KSR1: variants seen among roughly 807,000 people sequenced by gnomAD.
KSR1 encodes kinase suppressor of ras 1.
KSR1 carries 35 observed loss-of-function variants against 92.9 expected under a neutral mutation model. That is an observed-to-expected ratio of 0.38 (90% CI 0.29 to 0.50). The LOEUF (loss-of-function observed/expected upper bound fraction) is 0.50. Among genes scored for constraint, KSR1 ranks in the 20% least tolerant of loss-of-function variants. KSR1 has a pLI of 0.94. For synonymous variants in KSR1, 467 were observed against 472.6 expected (o/e 0.99, Z 0.15); for missense variants, 972 against 1,158.5 (o/e 0.84, Z 2.34).
chr17:27,470,507 T>C (rs1056978504), intron 1 of KSR1, among the ~76,000 whole-genome samples: 3 of 152,112 alleles, frequency 2.0e-5, no homozygotes, highest in African/African-American at 4.8e-5. Context: ...CCCAAAGTGC[T>C]GGGATTACAG....
At chr17:27,555,823 C>T (rs1181063206) in intron 2 of KSR1, among the ~76,000 whole-genome samples, 1 of 152,190 alleles carries the variant, frequency 6.6e-6, no homozygotes, top group East Asian at 1.9e-4. Flanking sequence ...TTCATCTTCT[C>T]AAATGAACCA....
intron 1 of KSR1, among the ~76,000 whole-genome samples, chr17:27,466,596 GC>G (rs1451575793): frequency 6.6e-6 from 1 of 152,238 alleles, no homozygotes; most frequent in East Asian, 1.9e-4. Context: ...CAAGAGAAAT[GC>G]AGATGGCTGT....
At chr17:27,613,847 A>G (rs1031087346) in intron 18 of KSR1, among the ~76,000 whole-genome samples, 2 of 152,360 alleles carry the variant, frequency 1.3e-5, no homozygotes, top group Non-Finnish European at 2.9e-5. Context: ...TCTGTCGCCC[A>G]GGCTGAAGTG....
At chr17:27,500,229 G>A (rs566365884) in intron 1 of KSR1, among the ~76,000 whole-genome samples, 2 of 152,264 alleles carry the variant, frequency 1.3e-5, no homozygotes, top group East Asian at 1.9e-4. Context: ...CTGGTCAGAA[G>A]CCTCCTAGAA....
At chr17:27,538,981 T>C (rs2070860658) in intron 1 of KSR1, among the ~76,000 whole-genome samples, 1 of 152,216 alleles carries the variant, frequency 6.6e-6, no homozygotes. Context: ...TTGGTGCATA[T>C]AGGTCAGAGT....
intron 6 of KSR1, among the ~76,000 whole-genome samples, chr17:27,589,598 T>C (rs1359806460): frequency 6.6e-6 from 1 of 152,184 alleles, no homozygotes; most frequent in Admixed American, 6.5e-5. Flanking sequence ...TCCTAAATAC[T>C]GTTGGCATTC....
chr17:27,622,232 C>T (rs560674814), intron 20 of KSR1: 1 of 468,644 alleles, frequency 2.1e-6, no homozygotes, highest in Non-Finnish European at 3.9e-6. Flanking sequence ...TGACTGATTG[C>T]TCCCGTGTTC....
rs751537798 is a variant in KSR1, at chr17:27,610,201, G to A, written c.2357+3G>A. ...GCTGCTGATGTCTATGCATTTGGGT[G>A]AGTAGGCCCCTGGTGCCCTGAGGCC... On this transcript the variant is annotated splice_donor_region_variant and intron_variant, in intron 17 of 20. Coordinates refer to ENST00000644974, the MANE Select transcript of KSR1 (RefSeq NM_001394583.1). The A allele has an allele frequency of 5.0e-6, 8 of 1,613,836 alleles. No individual in the cohort carries two copies. The highest frequency in any genetic ancestry group is 6.8e-6 in the Non-Finnish European group (8 of 1,179,772).
intron 1 of KSR1, among the ~76,000 whole-genome samples, chr17:27,505,411 A>G (rs1170652293): frequency 6.6e-6 from 1 of 152,206 alleles, no homozygotes; most frequent in African/African-American, 2.4e-5. Context: ...TCTTCATCCA[A>G]GAAGGTGCCT....
chr17:27,527,113 A>G (rs2070335885), intron 1 of KSR1: 3 of 365,982 alleles, frequency 8.2e-6, no homozygotes, highest in South Asian at 6.0e-5. Flanking sequence ...TTCACACATC[A>G]CTTTTCTTAC....
chr17:27,559,924 A>T lies in KSR1; in HGVS notation c.372+9216A>T, dbSNP rs894100769. Among the ~76,000 whole-genome samples, 4 of 152,196 alleles carry T rather than the reference A, an allele frequency of 2.6e-5. No homozygotes were observed. The East Asian group carries it at 5.8e-4, about 22-fold the overall frequency. On this transcript the variant is annotated intron_variant, in intron 2 of 20. Transcript: ENST00000644974. The surrounding 1 kb of genome is among the most constrained non-coding windows in gnomAD (Gnocchi z 4.2). The stretch of plus-strand genomic sequence containing the variant: ...TAGGGGTTGGGGCTCCTCTTAGGGG[A>T]TATTGGAAGTGTGTGTGAGAGAGGG...
At chr17:27,623,039 C>T (rs1438345688) in intron 20 of KSR1, 3 of 503,638 alleles carry the variant, frequency 6.0e-6, no homozygotes, top group Non-Finnish European at 1.0e-5. Flanking sequence ...AAAACAATTC[C>T]TAGGAACCCA....
At chr17:27,570,166 G>A (rs1451339478) in intron 2 of KSR1, among the ~76,000 whole-genome samples, 1 of 152,210 alleles carries the variant, frequency 6.6e-6, no homozygotes, top group Non-Finnish European at 1.5e-5. Flanking sequence ...GGGATAGAGC[G>A]GTGTGGGGTC....
In KSR1 at chr17:27,458,917, C is replaced by G. The variant is rs190740760; in HGVS notation, c.231+2043C>G. ...TGGATCTCTGAGGGCTCTGGAAGCTCGAAATTCTCTAGGTTAGAGAAGGAG... is the reference window on the plus strand; with the variant it reads ...TGGATCTCTGAGGGCTCTGGAAGCTGGAAATTCTCTAGGTTAGAGAAGGAG... On this transcript the variant is annotated intron_variant, in intron 1 of 20. Coordinates refer to ENST00000644974, the MANE Select transcript of KSR1 (RefSeq NM_001394583.1). Among the ~76,000 whole-genome samples the G allele has an allele frequency of 4.5e-3, 692 of 152,174 alleles. 5 individuals carry two copies. The highest frequency in any genetic ancestry group is 6.6e-3 in the Non-Finnish European group (452 of 68,008).
chr17:27,617,566 C>A, intron 19 of KSR1, 138 bp downstream of exon 19: 2 of 1,090,864 alleles, frequency 1.8e-6, no homozygotes, highest in South Asian at 1.7e-5. Context: ...TCGCTCTTGT[C>A]ATCAGGGCTG....
chr17:27,468,117 A>G (rs1409140486), intron 1 of KSR1, among the ~76,000 whole-genome samples: 2 of 150,238 alleles, frequency 1.3e-5, no homozygotes, highest in South Asian at 2.1e-4. Context: ...GCGCCCGGCC[A>G]TATTTTTTTT....
chr17:27,475,415 T>G (rs1348863293), intron 1 of KSR1, among the ~76,000 whole-genome samples: 1 of 152,244 alleles, frequency 6.6e-6, no homozygotes, highest in Non-Finnish European at 1.5e-5. Flanking sequence ...GCTGGCACAC[T>G]AACCTACTGA....
chr17:27,592,747 G>A (rs1233716595), intron 9 of KSR1, 121 bp downstream of exon 9: 1 of 769,110 alleles, frequency 1.3e-6, no homozygotes, highest in South Asian at 1.8e-5. Flanking sequence ...CAGATTTGTG[G>A]CCAGAGGGTG....
chr17:27,501,569 G>A (rs527620979), intron 1 of KSR1, among the ~76,000 whole-genome samples: 1 of 152,252 alleles, frequency 6.6e-6, no homozygotes, highest in South Asian at 2.1e-4. Context: ...GCTGTGTGTA[G>A]CCTCAGAGCA....
Sources: gnomAD v4.1 joint callset for allele counts (sites outside exome capture counted in the v4.1 genomes callset) on GRCh38, gnomAD v4.1.1 for gene constraint, Gnocchi (gnomAD v3.1) non-coding constraint, MANE v1.5 for transcripts, NCBI Gene and HGNC (gene_info 2026-07-23, HGNC 2026-07-21) for gene names.